Variants in TOR1B observed in about 807,000 individuals in gnomAD.
TOR1B encodes the protein torsin family 1 member B, also known as torsin-1B.
Under a neutral mutation model 29.2 loss-of-function variants are expected in TOR1B, and 14 were observed. The ratio of observed to expected loss-of-function variants is 0.48; its 90% CI spans 0.32 to 0.75. TOR1B has a LOEUF of 0.75. Among genes scored for constraint, TOR1B ranks in the 30% least tolerant of loss-of-function variants. The pLI is 0.04. For missense variants in TOR1B, 400 were observed against 433.9 expected (o/e 0.92, Z 0.69); for synonymous variants, 166 against 179.8 (o/e 0.92, Z 0.62).
At position 129,808,957 on chromosome 9, in the gene TOR1B, G is replaced by T. The variant is rs552325100; in HGVS notation, c.694G>T (p.Gly232Ter). 4 of 1,613,886 alleles carry T rather than the reference G, an allele frequency of 2.5e-6. No individual in the cohort carries two copies. The highest frequency in any genetic ancestry group is 3.4e-6 in the Non-Finnish European group (4 of 1,179,998). Residue 232 changes from glycine to a stop codon, truncating the protein, a stop_gained, in exon 4 of 5, where the codon GGA (glycine) becomes TGA (stop). Coordinates refer to ENST00000259339, the MANE Select transcript of TOR1B (RefSeq NM_014506.3). LOFTEE classifies it high-confidence loss of function. ...TKTALDFWRA[G>*]RKREDIQLKD... ...GACGGCTCTTGACTTTTGGCGGGCCGGAAGAAAGAGGGAAGACATTCAGCT... is the reference window on the plus strand; with the variant it reads ...GACGGCTCTTGACTTTTGGCGGGCCTGAAGAAAGAGGGAAGACATTCAGCT...
chr9:129,804,795 G>A (rs2030375032), intron 2 of TOR1B, among the ~76,000 whole-genome samples: 1 of 142,810 alleles, frequency 7.0e-6, no homozygotes, highest in Non-Finnish European at 1.5e-5. Flanking sequence ...CTGGGTGGCA[G>A]AGGTTGCAGT....
Position 129,803,228 on chromosome 9 carries a change from T to C in TOR1B, c.16T>C (p.Trp6Arg), listed in dbSNP as rs886971453. 3 of 1,524,542 alleles carry C rather than the reference T, an allele frequency of 2.0e-6. No homozygotes were observed. Among genetic ancestry groups the C allele is most frequent in the Middle Eastern group, 2.1e-4 (1 of 4,726 alleles). The allele number at this position is 1,524,542 out of a possible 1,614,324, so 94.4% of individuals were successfully genotyped here. The change falls in exon 1 of 5, where the codon TGG (tryptophan) becomes CGG (arginine). Residue 6 changes from tryptophan to arginine, a missense_variant. By Grantham distance (101) the Trp-to-Arg change is moderately radical. Transcript: ENST00000259339. MLRAGWLRGAAALALL... is the reference protein window; with the variant it reads MLRAGRLRGAAALALL... Reference sequence around the variant, plus strand: ...GAGGAGCGGGATGTTGCGGGCTGGGTGGCTCCGGGGCGCGGCGGCGCTGGC... The same window carrying C: ...GAGGAGCGGGATGTTGCGGGCTGGGCGGCTCCGGGGCGCGGCGGCGCTGGC...
rs1045156158 is a variant in TOR1B, at chr9:129,805,021, C to T, written c.465+683C>T. The stretch of plus-strand genomic sequence containing the variant: ...GGGATGGTGGCGGGCACCTGTTGTC[C>T]CAGCTACTCGGGAGGCTGAGGCAGG... On this transcript the variant is annotated intron_variant, in intron 2 of 4. Transcript: ENST00000259339. Among the ~76,000 whole-genome samples the T allele has an allele frequency of 2.6e-5, 4 of 151,636 alleles. No individual in the cohort carries two copies. The South Asian group carries it at 8.3e-4, about 32-fold the overall frequency.
Position 129,807,216 on chromosome 9 carries a change from A to G in TOR1B, c.494A>G (p.Asn165Ser). The change falls in exon 3 of 5, where the codon AAT (asparagine) becomes AGT (serine). Residue 165 changes from asparagine (N) to serine (S), a missense_variant. Coordinates refer to ENST00000259339, the MANE Select transcript of TOR1B (RefSeq NM_014506.3). The part of the protein sequence containing the change: ...QDQLQKWIRG[N>S]VSACANSVFI... Reference sequence around the variant, plus strand: ...CAGTTACAGAAGTGGATCCGCGGTAATGTGAGTGCATGTGCGAACTCTGTT... The same window carrying G: ...CAGTTACAGAAGTGGATCCGCGGTAGTGTGAGTGCATGTGCGAACTCTGTT... 1 of 1,614,124 alleles carries G rather than the reference A, an allele frequency of 6.2e-7. No individual in the cohort carries two copies. Among genetic ancestry groups the G allele is most frequent in the African/African-American group, 1.3e-5 (1 of 75,048 alleles).
chr9:129,809,849 G>T lies in TOR1B; in HGVS notation c.*266G>T, dbSNP rs1297297040. On this transcript the variant is annotated 3_prime_UTR_variant, in exon 5 of 5. Coordinates refer to ENST00000259339, the MANE Select transcript of TOR1B (RefSeq NM_014506.3). ...CCCGAGTAGCTGGGATTACAGGCAT[G>T]AGCCACTGTGCCCAGCTGGGATATA... The T allele has an allele frequency of 1.5e-6, 2 of 1,338,480 alleles. No individual in the cohort carries two copies. Among genetic ancestry groups the T allele is most frequent in the Admixed American group, 6.3e-5 (2 of 31,708 alleles). 82.9% of individuals were successfully genotyped at this position (1,338,480 alleles called of 1,614,324 possible).
Position 129,810,248 on chromosome 9 carries a change from C to T in TOR1B, c.*665C>T, listed in dbSNP as rs1473348348. ...ACAGAGTTCACTGACTTGAAGTATA[C>T]TCAGTTAAAATCGGGGCTGGAGGTG... On this transcript the variant is annotated 3_prime_UTR_variant, in exon 5 of 5. Coordinates refer to ENST00000259339, the MANE Select transcript of TOR1B (RefSeq NM_014506.3). 1.5e-6 allele frequency: 2 copies of T among 1,303,752 alleles called. No homozygotes were observed. Among genetic ancestry groups the T allele is most frequent in the Non-Finnish European group, 2.0e-6 (2 of 988,928 alleles). 80.8% of individuals were successfully genotyped at this position (1,303,752 alleles called of 1,614,324 possible).
chr9:129,807,099 T>C, intron 2 of TOR1B, 89 bp from the exon 3 acceptor site: 1 of 1,331,218 alleles, frequency 7.5e-7, no homozygotes, highest in South Asian at 1.4e-5. Flanking sequence ...ACCTCGTCCT[T>C]CAGTGCATGA....
chr9:129,807,909 T>C (rs976086747), intron 3 of TOR1B, among the ~76,000 whole-genome samples: 1 of 151,586 alleles, frequency 6.6e-6, no homozygotes, highest in African/African-American at 2.4e-5. Flanking sequence ...TCGTGGCATG[T>C]GCCTGGAGTC....
Position 129,810,883 on chromosome 9 carries a change from A to G in TOR1B, c.*1300A>G, listed in dbSNP as rs1344643494. ...ACATGGTCACAACCGTGGATCAAAC[A>G]AGGTCAGTCTAAAGTGGCAGGTCCT... On this transcript the variant is annotated 3_prime_UTR_variant, in exon 5 of 5. Transcript: ENST00000259339. 1.3e-5 allele frequency: 2 copies of G among 153,278 alleles called. No homozygotes were observed. Among genetic ancestry groups the G allele is most frequent in the Non-Finnish European group, 2.9e-5 (2 of 68,796 alleles). The allele number at this position is 153,278 out of a possible 1,614,324, so 9.5% of individuals were successfully genotyped here.
rs1015471882 is a variant in TOR1B, at chr9:129,810,189, CA to C, written c.*611del. On this transcript the variant is annotated 3_prime_UTR_variant, in exon 5 of 5. Transcript: ENST00000259339. ...TGCGGGGCACTGTGTTCTCATTGGCCAAAAACATCCTTTTGCTCTGTCTCGT... is the reference window on the plus strand; with the variant it reads ...TGCGGGGCACTGTGTTCTCATTGGCCAAAACATCCTTTTGCTCTGTCTCGT... The C allele has an allele frequency of 4.8e-5, 62 of 1,304,210 alleles. No homozygotes were observed. In the African/African-American group the frequency reaches 7.1e-4, roughly 15 times the overall value. The allele number at this position is 1,304,210 out of a possible 1,614,324, so 80.8% of individuals were successfully genotyped here. A position where few individuals can be genotyped will look rare whatever the true frequency, so the allele number is the denominator to read the frequency against.
At position 129,810,342 on chromosome 9, in the gene TOR1B, T is replaced by TGG. The variant is rs1294468962; in HGVS notation, c.*760_*761insGG. 2.2e-6 allele frequency: 2 copies of TGG among 906,698 alleles called. No homozygotes were observed. Among genetic ancestry groups the TGG allele is most frequent in the African/African-American group, 2.5e-5 (1 of 40,436 alleles). The allele number at this position is 906,698 out of a possible 1,614,324, so 56.2% of individuals were successfully genotyped here. ...CTCTTGATCTGAGCTGACCTGTGTG[T>TGG]GTGTGTGTGGGGGGGTGGGGCCTTC... On this transcript the variant is annotated 3_prime_UTR_variant, in exon 5 of 5. Coordinates refer to ENST00000259339, the MANE Select transcript of TOR1B (RefSeq NM_014506.3).
chr9:129,804,426 C>A, intron 2 of TOR1B, 88 bp downstream of exon 2: 1 of 1,529,746 alleles, frequency 6.5e-7, no homozygotes, highest in South Asian at 1.2e-5. Flanking sequence ...GCTTCTCTTT[C>A]CTTTGTGTTG....
chr9:129,809,330 C>T lies in TOR1B; in HGVS notation c.770-12C>T. 2 of 1,613,832 alleles carry T rather than the reference C, an allele frequency of 1.2e-6. No homozygotes were observed. The highest frequency in any genetic ancestry group is 2.2e-5 in the South Asian group (2 of 91,010). Reference sequence around the variant, plus strand: ...GTGGTGGCAGGAAACCCAGCTGTGTCTTGTTCTGCAGGTGGCCTGTGGCAC... The same window carrying T: ...GTGGTGGCAGGAAACCCAGCTGTGTTTTGTTCTGCAGGTGGCCTGTGGCAC... On this transcript the variant is annotated splice_polypyrimidine_tract_variant and intron_variant, in intron 4 of 4. Coordinates refer to ENST00000259339, the MANE Select transcript of TOR1B (RefSeq NM_014506.3).
Position 129,811,016 on chromosome 9 carries a change from T to C in TOR1B, c.*1433T>C, listed in dbSNP as rs984977040. ...GCCAGTGTGAATCATTGTATCTGTC[T>C]CATAATCACAGCACAGCTGCAGACA... is the stretch of plus-strand genomic sequence containing the variant. On this transcript the variant is annotated 3_prime_UTR_variant, in exon 5 of 5. Coordinates refer to ENST00000259339, the MANE Select transcript of TOR1B (RefSeq NM_014506.3). 6.6e-6 allele frequency: 1 copy of C among 152,196 alleles called. No homozygotes were observed. The allele number at this position is 152,196 out of a possible 1,614,324, so 9.4% of individuals were successfully genotyped here.
Position 129,809,829 on chromosome 9 carries a change from G to A in TOR1B, c.*246G>A. ...TGATTCTCATGCCTCAGCCTCCCGA[G>A]TAGCTGGGATTACAGGCATGAGCCA... On this transcript the variant is annotated 3_prime_UTR_variant, in exon 5 of 5. Transcript: ENST00000259339. The A allele has an allele frequency of 7.4e-7, 1 of 1,360,132 alleles. No homozygotes were observed. The highest frequency in any genetic ancestry group is 9.5e-7 in the Non-Finnish European group (1 of 1,053,410). The allele number at this position is 1,360,132 out of a possible 1,614,324, so 84.3% of individuals were successfully genotyped here.
At position 129,807,269 on chromosome 9, in the gene TOR1B, C is replaced by T. The variant is rs753283860; in HGVS notation, c.547C>T (p.His183Tyr). The change falls in exon 3 of 5, where the codon CAC (histidine) becomes TAC (tyrosine). Residue 183 changes from histidine (H) to tyrosine (Y), a missense_variant. Transcript: ENST00000259339. ...CATATTTGACGAGATGGATAAATTG[C>T]ACCCCGGGATCATTGACGCAATCAA... Reference protein sequence around the residue: ...VFIFDEMDKLHPGIIDAIKPF... With the variant: ...VFIFDEMDKLYPGIIDAIKPF... 4 of 1,614,196 alleles carry T rather than the reference C, an allele frequency of 2.5e-6. No individual in the cohort carries two copies. The Admixed American group carries it at 6.7e-5, about 27-fold the overall frequency.
At position 129,810,378 on chromosome 9, in the gene TOR1B, T is replaced by G; in HGVS notation, c.*795T>G. 5 of 1,245,908 alleles carry G rather than the reference T, an allele frequency of 4.0e-6. No homozygotes were observed. The highest frequency in any genetic ancestry group is 5.2e-6 in the Non-Finnish European group (5 of 961,022). The allele number at this position is 1,245,908 out of a possible 1,614,324, so 77.2% of individuals were successfully genotyped here. A position where few individuals can be genotyped will look rare whatever the true frequency, so the allele number is the denominator to read the frequency against. On this transcript the variant is annotated 3_prime_UTR_variant, in exon 5 of 5. Coordinates refer to ENST00000259339, the MANE Select transcript of TOR1B (RefSeq NM_014506.3). ...GGGGGTGGGGCCTTCACCTAAGACC[T>G]CTGCAGCAGACCTGGACAGACAGGC...
chr9:129,809,144 A>G (rs1426874995), intron 4 of TOR1B, 112 bp downstream of exon 4: 18 of 1,521,944 alleles, frequency 1.2e-5, no homozygotes, highest in East Asian at 4.5e-5. Context: ...TCACTTTGCT[A>G]AAGTCAGGAA....
In TOR1B at chr9:129,804,257, A is replaced by G. The variant is rs149002140; in HGVS notation, c.384A>G (p.Pro128=). The change falls in exon 2 of 5, where the codon CCA becomes CCG. Residue 128 remains proline, a synonymous_variant. Transcript: ENST00000259339. ...AAATTGTGGCTGAAAATCTTCACCC[A>G]AAAGGTCTGAAGAGTAACTTTGTCC... ...VSQIVAENLH[P]KGLKSNFVHL... 2,411 of 1,614,206 alleles carry G rather than the reference A, an allele frequency of 1.5e-3. 8 individuals are homozygous for G. The highest frequency in any genetic ancestry group is 2.5e-3 in the South Asian group (228 of 91,084).
Sources: gnomAD v4.1 joint callset for allele counts (sites outside exome capture counted in the v4.1 genomes callset) on GRCh38, gnomAD v4.1.1 for gene constraint, MANE v1.5 for transcripts, NCBI Gene and HGNC (gene_info 2026-07-23, HGNC 2026-07-21) for gene names.